Variants in SLC25A36 observed in about 807,000 individuals in gnomAD.
The protein encoded by SLC25A36 is epididymis secretory sperm binding protein.
A neutral mutation model predicts 35.3 loss-of-function variants in SLC25A36; 24 were observed. That is an observed-to-expected ratio of 0.68 (90% CI 0.49 to 0.96). The LOEUF is 0.96. Among genes scored for constraint, SLC25A36 ranks in the 40% least tolerant of loss-of-function variants. The probability of loss-of-function intolerance (pLI) is 0.00; values close to 1 mark genes in which losing one functional copy is unlikely to be tolerated. For missense variants in SLC25A36, 294 were observed against 381.1 expected (o/e 0.77, Z 1.90); for synonymous variants, 141 against 132.2 (o/e 1.07, Z -0.46).
At chr3:140,954,323 G>A (rs1357300292) in intron 1 of SLC25A36, among the ~76,000 whole-genome samples, 1 of 152,150 alleles carries the variant, frequency 6.6e-6, no homozygotes, top group African/African-American at 2.4e-5. Flanking sequence ...CCAGTTTTTA[G>A]CTATGAATAA....
chr3:140,956,779 A>C, intron 2 of SLC25A36, 88 bp downstream of exon 2: 2 of 1,448,872 alleles, frequency 1.4e-6, no homozygotes, highest in Non-Finnish European at 1.8e-6. Flanking sequence ...GCCACATTGA[A>C]AATGATTTTT....
intron 2 of SLC25A36, 62 bp downstream of exon 2, chr3:140,956,753 T>TG: frequency 6.7e-7 from 1 of 1,481,780 alleles, no homozygotes; most frequent in Non-Finnish European, 9.0e-7. Flanking sequence ...TCCAGATGTT[T>TG]GTTTACTTAT....
At position 140,976,362 on chromosome 3, in the gene SLC25A36, G is replaced by T; in HGVS notation, c.845G>T (p.Arg282Leu). 1 of 1,613,710 alleles carries T rather than the reference G, an allele frequency of 6.2e-7. No individual in the cohort carries two copies. Among genetic ancestry groups the T allele is most frequent in the Non-Finnish European group, 8.5e-7 (1 of 1,179,874 alleles). The change falls in exon 7 of 7, where the codon CGT (arginine) becomes CTT (leucine). Residue 282 changes from arginine to leucine, a missense_variant. By Grantham distance (102) the Arg-to-Leu change is moderately radical (BLOSUM62 -2). Around this residue, in one of 2 missense-constraint regions of SLC25A36, gnomAD observed 109 missense variants for 179.7 expected, o/e 0.61. Coordinates refer to ENST00000324194, the MANE Select transcript of SLC25A36 (RefSeq NM_001104647.3). ...VQEEGYGSLY[R>L]GLTTHLVRQI... ...GAAGAAGGTTATGGGTCTCTTTATC[G>T]TGGTCTGACAACTCATCTAGTGAGA...
chr3:140,957,023 C>G (rs1485100557), intron 2 of SLC25A36: 3 of 171,012 alleles, frequency 1.8e-5, no homozygotes, highest in Non-Finnish European at 3.6e-5. Context: ...TAACTCCTTT[C>G]GTGTATATTT....
chr3:140,965,761 AT>A (rs2107805657), intron 4 of SLC25A36: 1 of 151,810 alleles, frequency 6.6e-6, no homozygotes, highest in African/African-American at 2.4e-5. Context: ...GACTCTTAAT[AT>A]TTTGCCTGCC....
intron 3 of SLC25A36, 38 bp downstream of exon 3, chr3:140,959,578 C>T (rs1322989978): frequency 6.6e-6 from 7 of 1,060,612 alleles, no homozygotes; most frequent in Non-Finnish European, 7.8e-6. Context: ...CAAGTTATGG[C>T]AATCTCTTTT....
At chr3:140,973,413 G>A (rs575443897) in intron 5 of SLC25A36, among the ~76,000 whole-genome samples, 10 of 152,218 alleles carry the variant, frequency 6.6e-5, no homozygotes, top group East Asian at 5.8e-4. Flanking sequence ...TGCAGTCAGG[G>A]TGTATAGTTC....
At position 140,979,221 on chromosome 3, in the gene SLC25A36, G is replaced by A. The variant is rs1287756973; in HGVS notation, c.*2768G>A. ...ATATCATTAGATTATCTGTGAGATA[G>A]CATTACTATGTTAGGACCAGCAGAG... On this transcript the variant is annotated 3_prime_UTR_variant, in exon 7 of 7. Coordinates refer to ENST00000324194, the MANE Select transcript of SLC25A36 (RefSeq NM_001104647.3). 2 of 152,160 alleles carry A rather than the reference G, an allele frequency of 1.3e-5. No individual in the cohort carries two copies. The highest frequency in any genetic ancestry group is 2.9e-5 in the Non-Finnish European group (2 of 67,996). 9.4% of individuals were successfully genotyped at this position (152,160 alleles called of 1,614,324 possible).
chr3:140,954,916 C>T (rs773968352), intron 1 of SLC25A36, among the ~76,000 whole-genome samples: 23 of 151,926 alleles, frequency 1.5e-4, no homozygotes, highest in African/African-American at 4.6e-4. Flanking sequence ...CTGTGCCTAA[C>T]GCAAAGTTAA....
At chr3:140,957,380 T>C (rs963796407) in intron 2 of SLC25A36, among the ~76,000 whole-genome samples, 4 of 152,260 alleles carry the variant, frequency 2.6e-5, no homozygotes, top group African/African-American at 9.6e-5. Context: ...AAAGGTTTCA[T>C]CAGCCTTTTC....
rs1935158691 is a variant in SLC25A36, at chr3:140,980,658, A to C, written c.*4205A>C. ...AGTGTGACATTTATACACTGATAAA[A>C]CTCAGGCAAGCAAAATGTAATTAAA... On this transcript the variant is annotated 3_prime_UTR_variant, in exon 7 of 7. Coordinates refer to ENST00000324194, the MANE Select transcript of SLC25A36 (RefSeq NM_001104647.3). Among the ~76,000 whole-genome samples the C allele has an allele frequency of 6.6e-6, 1 of 151,014 alleles. No individual in the cohort carries two copies. The highest frequency in any genetic ancestry group is 2.4e-5 in the African/African-American group (1 of 41,040).
chr3:140,955,040 T>C (rs1934440392), intron 1 of SLC25A36, among the ~76,000 whole-genome samples: 2 of 152,242 alleles, frequency 1.3e-5, no homozygotes, highest in Admixed American at 1.3e-4. Flanking sequence ...GTAAGGGGCA[T>C]GTTTTTTATT....
At chr3:140,956,813 C>T in intron 2 of SLC25A36, 122 bp downstream of exon 2, 2 of 1,401,006 alleles carry the variant, frequency 1.4e-6, no homozygotes, top group Non-Finnish European at 1.9e-6. Context: ...ACAGAAGTTA[C>T]TCTGAATTGT....
At chr3:140,948,399 G>T (rs1371070828) in intron 1 of SLC25A36, among the ~76,000 whole-genome samples, 5 of 150,414 alleles carry the variant, frequency 3.3e-5, no homozygotes, top group African/African-American at 1.2e-4. Flanking sequence ...AGCCAGGTTG[G>T]TCTCCATCTC....
intron 1 of SLC25A36, among the ~76,000 whole-genome samples, chr3:140,945,250 A>G (rs1387444105): frequency 6.6e-6 from 1 of 152,172 alleles, no homozygotes; most frequent in Non-Finnish European, 1.5e-5. Context: ...CTACAATCTC[A>G]TGACCTAATC....
At chr3:140,970,694 A>G in intron 4 of SLC25A36, 1 of 330,754 alleles carries the variant, frequency 3.0e-6, no homozygotes, top group South Asian at 4.8e-5. Context: ...AAAGCAATTT[A>G]TATTCATTTT....
intron 1 of SLC25A36, among the ~76,000 whole-genome samples, chr3:140,953,396 T>TC (rs538393821): frequency 1.4e-5 from 2 of 139,086 alleles, no homozygotes; most frequent in African/African-American, 5.2e-5. Flanking sequence ...CGACATTTTT[T>TC]GGGGGGGGGG....
intron 1 of SLC25A36, among the ~76,000 whole-genome samples, chr3:140,948,069 T>C (rs974020375): frequency 2.0e-5 from 3 of 152,180 alleles, no homozygotes; most frequent in Admixed American, 2.0e-4. Flanking sequence ...TTCTCTTGCC[T>C]CAGCCTCCCA....
chr3:140,944,751 A>G (rs1934117985), intron 1 of SLC25A36, among the ~76,000 whole-genome samples: 1 of 152,196 alleles, frequency 6.6e-6, no homozygotes, highest in Non-Finnish European at 1.5e-5. Flanking sequence ...GAGTAAAATC[A>G]AAGATGATCT....
Sources: allele counts gnomAD v4.1 joint callset (sites outside exome capture counted in the v4.1 genomes callset), GRCh38; gene constraint gnomAD v4.1.1; regional missense constraint gnomAD v4.1.1; transcripts MANE v1.5; gene names NCBI Gene and HGNC (gene_info 2026-07-23, HGNC 2026-07-21).